Variants in KIRREL3 observed in about 807,000 individuals in gnomAD.
The protein encoded by KIRREL3 is kirre like nephrin family adhesion molecule 3, also known as kin of IRRE-like protein 3.
In KIRREL3, 36 loss-of-function variants were observed where a neutral mutation model predicts 89.7. That is an observed-to-expected ratio of 0.40 (90% CI 0.31 to 0.53). The LOEUF (loss-of-function observed/expected upper bound fraction) is 0.53. Ranked by LOEUF, KIRREL3 falls within the 20% of genes least tolerant of loss-of-function variation. KIRREL3 has a pLI of 0.49. For missense variants in KIRREL3, 864 were observed against 1,056.6 expected (o/e 0.82, Z 2.53); for synonymous variants, 445 against 441.4 (o/e 1.01, Z -0.10).
At chr11:126,596,402 G>GTA (rs1167924248) in intron 1 of KIRREL3, among the ~76,000 whole-genome samples, 4 of 152,348 alleles carry the variant, frequency 2.6e-5, no homozygotes, top group Admixed American at 6.5e-5. Context: ...GCCCAGAGAG[G>GTA]TAAAGTAACA....
intron 1 of KIRREL3, among the ~76,000 whole-genome samples, chr11:126,881,181 G>C (rs751602950): frequency 6.6e-6 from 1 of 152,194 alleles, no homozygotes; most frequent in African/African-American, 2.4e-5. Context: ...CCTAATAGGA[G>C]GAATATATCT....
intron 1 of KIRREL3, among the ~76,000 whole-genome samples, chr11:126,801,852 G>A (rs1049136711): frequency 2.0e-5 from 3 of 152,208 alleles, no homozygotes; most frequent in Middle Eastern, 3.4e-3. Flanking sequence ...GGAGGATCGC[G>A]TGATCCCAGG....
In KIRREL3 at chr11:126,983,286, G is replaced by A. The variant is rs1463246118; in HGVS notation, c.55+17169C>T. 6.6e-6 allele frequency among the ~76,000 whole-genome samples: 1 copy of A among 152,168 alleles called. No homozygotes were observed. Among genetic ancestry groups the A allele is most frequent in the Non-Finnish European group, 1.5e-5 (1 of 68,026 alleles). ...TCTCTAACTTACAAGTAGTGAGGCT[G>A]AGGCACAGATTTCTTACACAGAGAG... is the stretch of plus-strand genomic sequence containing the variant. On this transcript the variant is annotated intron_variant, in intron 1 of 16. Transcript: ENST00000525144. The surrounding 1 kb of genome is among the most constrained non-coding windows in gnomAD (Gnocchi z 4.9).
chr11:126,711,422 G>T (rs1947750272), intron 1 of KIRREL3, among the ~76,000 whole-genome samples: 1 of 152,084 alleles, frequency 6.6e-6, no homozygotes, highest in Non-Finnish European at 1.5e-5. Context: ...TTAGCTGGGG[G>T]GTGGTGGCTC....
rs1296716494 is a variant in KIRREL3, at chr11:126,508,994, T to C, written c.433+12321A>G. On this transcript the variant is annotated intron_variant, in intron 4 of 16. Coordinates refer to ENST00000525144, the MANE Select transcript of KIRREL3 (RefSeq NM_032531.4). This position sits in a 1 kb window ranked among gnomAD's most constrained non-coding sequence, Gnocchi z 4.9. ...GAACTTAGATCTCCTCATCCCTGCC[T>C]AGTGGGGCACATGCAGGGTGCAGCT... 6.6e-6 allele frequency among the ~76,000 whole-genome samples: 1 copy of C among 152,168 alleles called. No individual in the cohort carries two copies. The highest frequency in any genetic ancestry group is 1.9e-4 in the East Asian group (1 of 5,188).
chr11:126,556,355 C>A (rs1939704934), intron 2 of KIRREL3, among the ~76,000 whole-genome samples: 2 of 152,058 alleles, frequency 1.3e-5, no homozygotes, highest in African/African-American at 2.4e-5. Context: ...TATAAAGGAA[C>A]TTTGGCTGGG....
At chr11:126,487,507 A>C (rs1957397104) in intron 4 of KIRREL3, among the ~76,000 whole-genome samples, 1 of 152,208 alleles carries the variant, frequency 6.6e-6, no homozygotes, top group Non-Finnish European at 1.5e-5. Context: ...TATACCTTTC[A>C]ACTTTATGCA....
intron 1 of KIRREL3, among the ~76,000 whole-genome samples, chr11:126,770,271 G>A (rs1304051146): frequency 6.6e-6 from 1 of 152,138 alleles, no homozygotes; most frequent in Admixed American, 6.5e-5. Flanking sequence ...AAACATGCCT[G>A]AGAGAGATCA....
intron 1 of KIRREL3, among the ~76,000 whole-genome samples, chr11:126,665,711 T>G (rs1016820886): frequency 6.6e-6 from 1 of 152,304 alleles, no homozygotes; most frequent in Admixed American, 6.5e-5. Context: ...TGTTGTTCAG[T>G]CTAAGATCGT....
chr11:126,450,214 C>CA (rs1398011597), intron 7 of KIRREL3, among the ~76,000 whole-genome samples: 1 of 151,054 alleles, frequency 6.6e-6, no homozygotes, highest in Non-Finnish European at 1.5e-5. Flanking sequence ...TGAATGTGTG[C>CA]ATGTATGTGT....
intron 4 of KIRREL3, among the ~76,000 whole-genome samples, chr11:126,505,237 A>G (rs1957983136): frequency 6.6e-6 from 1 of 152,252 alleles, no homozygotes; most frequent in African/African-American, 2.4e-5. Context: ...TCCTGTATGC[A>G]GAAAATCTTA....
At chr11:126,599,138 G>A (rs1942530906) in intron 1 of KIRREL3, among the ~76,000 whole-genome samples, 1 of 152,184 alleles carries the variant, frequency 6.6e-6, no homozygotes, top group South Asian at 2.1e-4. Context: ...GCTGCTAAAA[G>A]AGAAGCTTCA....
intron 1 of KIRREL3, among the ~76,000 whole-genome samples, chr11:126,873,493 T>C (rs1945175767): frequency 6.6e-6 from 1 of 152,216 alleles, no homozygotes; most frequent in South Asian, 2.1e-4. Context: ...CAGGAAAGTA[T>C]GTGTTTTTAT....
At chr11:126,893,149 C>T (rs1453771576) in intron 1 of KIRREL3, among the ~76,000 whole-genome samples, 1 of 152,206 alleles carries the variant, frequency 6.6e-6, no homozygotes, top group Non-Finnish European at 1.5e-5. Context: ...ACTGCCCACG[C>T]TTCCCTCACA....
intron 1 of KIRREL3, among the ~76,000 whole-genome samples, chr11:126,784,099 C>G (rs1200898011): frequency 6.6e-6 from 1 of 152,190 alleles, no homozygotes; most frequent in Non-Finnish European, 1.5e-5. Context: ...ATCTGAGAAG[C>G]CGTCACAGCC....
At chr11:126,500,733 T>C (rs2000800) in intron 4 of KIRREL3, among the ~76,000 whole-genome samples, 122,310 of 146,744 alleles carry the variant, frequency 0.83, 52,689 homozygotes, top group African/African-American at 0.96. Context: ...GAGTGAGACT[T>C]TAACTCAAAA....
intron 1 of KIRREL3, among the ~76,000 whole-genome samples, chr11:126,923,126 CTT>C (rs1491036572): frequency 4.6e-5 from 2 of 43,208 alleles, no homozygotes; most frequent in African/African-American, 2.9e-4. Flanking sequence ...CCTTCTCCTT[CTT>C]CTCTTCTTCT....
chr11:126,519,578 C>G lies in KIRREL3; in HGVS notation c.433+1737G>C, dbSNP rs887654276. Among the ~76,000 whole-genome samples, 4 of 152,082 alleles carry G rather than the reference C, an allele frequency of 2.6e-5. No homozygotes were observed. Among genetic ancestry groups the G allele is most frequent in the East Asian group, 3.9e-4 (2 of 5,192 alleles). On this transcript the variant is annotated intron_variant, in intron 4 of 16. Coordinates refer to ENST00000525144, the MANE Select transcript of KIRREL3 (RefSeq NM_032531.4). This position sits in a 1 kb window ranked among gnomAD's most constrained non-coding sequence, Gnocchi z 4.3. The stretch of plus-strand genomic sequence containing the variant: ...GATGTGGCTCCACCTATTTTTGGTT[C>G]CTGTGAAGTCAGAGGAGTGGACAAT...
In KIRREL3 at chr11:126,626,597, C is replaced by T. The variant is rs116457166; in HGVS notation, c.56-63685G>A. On this transcript the variant is annotated intron_variant, in intron 1 of 16. Transcript: ENST00000525144. ...TGAGTAAGGGGGCTTGCAGCGGTGACTACTGACCAGCCAGTATAAAAATAT... is the reference window on the plus strand; with the variant it reads ...TGAGTAAGGGGGCTTGCAGCGGTGATTACTGACCAGCCAGTATAAAAATAT... 3.9e-3 allele frequency among the ~76,000 whole-genome samples: 594 copies of T among 152,316 alleles called. 4 individuals carry two copies. Among genetic ancestry groups the T allele is most frequent in the Middle Eastern group, 0.024 (7 of 294 alleles).
Sources: allele counts gnomAD v4.1 joint callset (sites outside exome capture counted in the v4.1 genomes callset), GRCh38; gene constraint gnomAD v4.1.1; non-coding constraint Gnocchi (gnomAD v3.1); transcripts MANE v1.5; gene names NCBI Gene and HGNC (gene_info 2026-07-23, HGNC 2026-07-21).